NOX4: variants seen among roughly 807,000 people sequenced by gnomAD.
NOX4 encodes the protein NADPH oxidase 4.
NOX4 carries 69 observed loss-of-function variants against 87.6 expected under a neutral mutation model. The ratio of observed to expected loss-of-function variants is 0.79; its 90% CI spans 0.65 to 0.96. The LOEUF is 0.96. Among genes scored for constraint, NOX4 ranks in the 40% least tolerant of loss-of-function variants. The pLI is 0.00. For synonymous variants in NOX4, 275 were observed against 238.2 expected (o/e 1.15, Z -1.42); for missense variants, 680 against 681.5 (o/e 1.00, Z 0.02).
chr11:89,439,094 A>G (rs2135347601), intron 6 of NOX4, among the ~76,000 whole-genome samples: 1 of 142,944 alleles, frequency 7.0e-6, no homozygotes, highest in East Asian at 2.0e-4. Flanking sequence ...CCTTAATGTG[A>G]TAGCTTAGTC....
At chr11:89,375,824 T>C (rs1939800559) in intron 11 of NOX4, among the ~76,000 whole-genome samples, 2 of 152,312 alleles carry the variant, frequency 1.3e-5, no homozygotes, top group East Asian at 3.9e-4. Context: ...CTGGATGTCC[T>C]TCACTGTGAA....
At chr11:89,412,071 CA>C (rs1262765207) in intron 8 of NOX4, among the ~76,000 whole-genome samples, 1 of 151,644 alleles carries the variant, frequency 6.6e-6, no homozygotes, top group Non-Finnish European at 1.5e-5. Context: ...AAGAAGAGAC[CA>C]AAAAAATCAT....
the NOX4 span, among the ~76,000 whole-genome samples, chr11:89,578,581 A>C: frequency 2.6e-5 from 4 of 152,224 alleles, no homozygotes; most frequent in Non-Finnish European, 5.9e-5. Context: ...ATTATTCTAC[A>C]TGAGATAATA....
intron 13 of NOX4, among the ~76,000 whole-genome samples, chr11:89,347,483 G>A (rs1407607405): frequency 6.6e-6 from 1 of 152,168 alleles, no homozygotes; most frequent in Non-Finnish European, 1.5e-5. Context: ...AGACTTACAA[G>A]AAAGAATTGT....
intron 17 of NOX4, among the ~76,000 whole-genome samples, chr11:89,335,441 G>C (rs1945661963): frequency 6.6e-6 from 1 of 151,602 alleles, no homozygotes; most frequent in Non-Finnish European, 1.5e-5. Context: ...GGTAAAAAAA[G>C]GTACAAAAAA....
At chr11:89,429,788 C>T (rs1292021366) in intron 7 of NOX4, among the ~76,000 whole-genome samples, 1 of 152,078 alleles carries the variant, frequency 6.6e-6, no homozygotes, top group Non-Finnish European at 1.5e-5. Flanking sequence ...AGGAGGAGCT[C>T]ATACCATTCC....
chr11:89,467,321 A>G (rs1012659865), intron 2 of NOX4, among the ~76,000 whole-genome samples: 1 of 132,192 alleles, frequency 7.6e-6, no homozygotes, highest in African/African-American at 2.9e-5. Flanking sequence ...ATTGCACTCC[A>G]GCCTGGGCGA....
At chr11:89,466,897 G>A (rs1945719423) in intron 2 of NOX4, among the ~76,000 whole-genome samples, 1 of 152,116 alleles carries the variant, frequency 6.6e-6, no homozygotes, top group Non-Finnish European at 1.5e-5. Flanking sequence ...AGGGAAAAAA[G>A]CAGCATGAGA....
intron 2 of NOX4, among the ~76,000 whole-genome samples, chr11:89,459,093 G>A (rs900465556): frequency 6.6e-6 from 1 of 151,988 alleles, no homozygotes; most frequent in Non-Finnish European, 1.5e-5. Context: ...AGAAAATATG[G>A]TGTATACATA....
At chr11:89,444,977 G>T (rs1565302485) in intron 4 of NOX4, among the ~76,000 whole-genome samples, 1 of 152,118 alleles carries the variant, frequency 6.6e-6, no homozygotes, top group Non-Finnish European at 1.5e-5. Flanking sequence ...GAGAAATTGA[G>T]ATGTGCACGG....
chr11:89,414,883 C>T (rs1395618517), intron 8 of NOX4, among the ~76,000 whole-genome samples: 4 of 151,466 alleles, frequency 2.6e-5, no homozygotes, highest in Non-Finnish European at 5.9e-5. Context: ...CTTACATGGA[C>T]GAATAGAAAA....
the NOX4 span, among the ~76,000 whole-genome samples, chr11:89,507,146 T>G: frequency 6.6e-6 from 1 of 151,802 alleles, no homozygotes; most frequent in South Asian, 2.1e-4. Flanking sequence ...GTGGCTGGGG[T>G]GGGCTGGGAT....
At chr11:89,584,005 T>C in the NOX4 span, among the ~76,000 whole-genome samples, 1 of 152,110 alleles carries the variant, frequency 6.6e-6, no homozygotes, top group African/African-American at 2.4e-5. Context: ...CTTTGAAAAA[T>C]TACCTGACTT....
chr11:89,431,277 T>C (rs144942014), intron 7 of NOX4, among the ~76,000 whole-genome samples: 3,419 of 152,206 alleles, frequency 0.022, 136 homozygotes, highest in African/African-American at 0.078. Flanking sequence ...GGCAATACCA[T>C]TCAGGACATA....
the NOX4 span, among the ~76,000 whole-genome samples, chr11:89,572,195 G>C: frequency 6.6e-6 from 1 of 152,194 alleles, no homozygotes; most frequent in African/African-American, 2.4e-5. Context: ...CAGGGGCCAT[G>C]TCCTTAACCT....
chr11:89,538,127 A>G, the NOX4 span, among the ~76,000 whole-genome samples: 1 of 152,190 alleles, frequency 6.6e-6, no homozygotes, highest in East Asian at 1.9e-4. Flanking sequence ...ATCTGTCTTC[A>G]TGCTGAAAAC....
chr11:89,342,767 G>A (rs1395516672), intron 13 of NOX4, among the ~76,000 whole-genome samples: 1 of 152,060 alleles, frequency 6.6e-6, no homozygotes, highest in East Asian at 1.9e-4. Flanking sequence ...CAATCACAAA[G>A]GAAGCTCTGC....
chr11:89,509,250 A>AATAG, the NOX4 span, among the ~76,000 whole-genome samples: 111,969 of 151,234 alleles, frequency 0.74, 41,701 homozygotes, highest in Admixed American at 0.79. Context: ...TTACTAATAT[A>AATAG]ATAGTGTCTC....
chr11:89,570,597 C>T, the NOX4 span, among the ~76,000 whole-genome samples: 19 of 152,180 alleles, frequency 1.2e-4, no homozygotes, highest in Non-Finnish European at 5.9e-5. Context: ...CTTTGAGAGG[C>T]TAAGGTGAAA....
Sources: allele counts gnomAD v4.1 joint callset (sites outside exome capture counted in the v4.1 genomes callset), GRCh38; gene constraint gnomAD v4.1.1; transcripts MANE v1.5; gene names NCBI Gene and HGNC (gene_info 2026-07-23, HGNC 2026-07-21).